LRP1B: variants seen among roughly 807,000 people sequenced by gnomAD.
The protein encoded by LRP1B is LDL receptor related protein 1B.
LRP1B carries 217 observed loss-of-function variants against 556.6 expected under a neutral mutation model. That is an observed-to-expected ratio of 0.39 (90% CI 0.35 to 0.44). LRP1B has a LOEUF of 0.44. Ranked by LOEUF, LRP1B falls within the 20% of genes least tolerant of loss-of-function variation. The pLI, the probability that LRP1B is intolerant of heterozygous loss-of-function variation, is 1.00. For synonymous variants in LRP1B, 2,047 were observed against 1,865.8 expected (o/e 1.10, Z -2.50); for missense variants, 5,053 against 5,620.8 (o/e 0.90, Z 3.23).
intron 37 of LRP1B, among the ~76,000 whole-genome samples, chr2:140,710,085 T>C (rs1443916272): frequency 6.6e-6 from 1 of 152,108 alleles, no homozygotes; most frequent in African/African-American, 2.4e-5. Flanking sequence ...TAAATATTGC[T>C]ACATATGTCA....
chr2:141,508,091 C>CCCAAA (rs1553523422), intron 2 of LRP1B, among the ~76,000 whole-genome samples: 1 of 148,552 alleles, frequency 6.7e-6, no homozygotes, highest in African/African-American at 2.5e-5. Context: ...ATCCCCCCCC[C>CCCAAA]AAAAAAAAAG....
chr2:141,883,371 G>T (rs1699015689), intron 1 of LRP1B, among the ~76,000 whole-genome samples: 1 of 152,100 alleles, frequency 6.6e-6, no homozygotes, highest in South Asian at 2.1e-4. Context: ...GGAGAAAAAA[G>T]ATTTAAAGTA....
chr2:140,734,386 G>A (rs1460981809), intron 35 of LRP1B, among the ~76,000 whole-genome samples: 1 of 152,184 alleles, frequency 6.6e-6, no homozygotes, highest in African/African-American at 2.4e-5. Flanking sequence ...AGAATATGAG[G>A]AGAATGATAG....
At chr2:140,321,536 C>T (rs1014710775) in intron 82 of LRP1B, among the ~76,000 whole-genome samples, 18 of 151,810 alleles carry the variant, frequency 1.2e-4, no homozygotes. Flanking sequence ...AATTTGGTTT[C>T]TAAATTAATT....
chr2:141,351,918 A>G (rs533605318), intron 3 of LRP1B, among the ~76,000 whole-genome samples: 1 of 152,022 alleles, frequency 6.6e-6, no homozygotes, highest in East Asian at 1.9e-4. Flanking sequence ...AGGATCACAG[A>G]TGGAGGGTTG....
chr2:141,055,968 G>T (rs914083362), intron 9 of LRP1B, among the ~76,000 whole-genome samples: 2 of 149,690 alleles, frequency 1.3e-5, no homozygotes, highest in Admixed American at 1.3e-4. Context: ...AAAGAAAGAT[G>T]GATCAAAGTG....
chr2:141,636,684 G>A (rs575659758), intron 2 of LRP1B, among the ~76,000 whole-genome samples: 24 of 151,914 alleles, frequency 1.6e-4, no homozygotes, highest in Middle Eastern at 3.4e-3. Context: ...TCAACTAAAG[G>A]TCCTACAGTA....
chr2:141,032,343 G>A (rs571175511), intron 11 of LRP1B, among the ~76,000 whole-genome samples: 13 of 152,040 alleles, frequency 8.6e-5, no homozygotes, highest in South Asian at 2.1e-4. Flanking sequence ...ATGTGTATAC[G>A]TCTATAGAAT....
intron 51 of LRP1B, among the ~76,000 whole-genome samples, chr2:140,512,473 T>C (rs572560594): frequency 4.6e-5 from 7 of 152,158 alleles, no homozygotes; most frequent in Admixed American, 6.5e-5. Context: ...ACTAGATCCA[T>C]CTTGCACACC....
intron 77 of LRP1B, 77 bp from the exon 78 acceptor site, chr2:140,335,915 G>A: frequency 1.2e-6 from 1 of 862,532 alleles, no homozygotes; most frequent in Non-Finnish European, 2.0e-6. Context: ...TTACATTGAA[G>A]TTATGGGGGA....
At chr2:142,114,460 C>T (rs1259935121) in intron 1 of LRP1B, among the ~76,000 whole-genome samples, 2 of 152,124 alleles carry the variant, frequency 1.3e-5, no homozygotes, top group African/African-American at 4.8e-5. Context: ...AAAGAGATAT[C>T]TGTGCCACTA....
At chr2:141,829,796 A>G (rs889290080) in intron 1 of LRP1B, among the ~76,000 whole-genome samples, 7 of 152,002 alleles carry the variant, frequency 4.6e-5, no homozygotes, top group African/African-American at 1.7e-4. Flanking sequence ...AGTCTTAAAT[A>G]CCTTTTATAA....
intron 2 of LRP1B, among the ~76,000 whole-genome samples, chr2:141,809,573 A>C (rs1696269491): frequency 6.6e-6 from 1 of 152,122 alleles, no homozygotes; most frequent in Non-Finnish European, 1.5e-5. Flanking sequence ...AGCTATGGTC[A>C]TATTATTATT....
chr2:141,242,405 T>G (rs1218484958), intron 5 of LRP1B, among the ~76,000 whole-genome samples: 1 of 152,102 alleles, frequency 6.6e-6, no homozygotes, highest in Non-Finnish European at 1.5e-5. Flanking sequence ...TTTTCAAGAA[T>G]CATAGCAGAG....
At chr2:141,583,020 TAG>T (rs1427028513) in intron 2 of LRP1B, among the ~76,000 whole-genome samples, 1 of 151,710 alleles carries the variant, frequency 6.6e-6, no homozygotes, top group Non-Finnish European at 1.5e-5. Context: ...GTATTTTTAG[TAG>T]AGAGGGGGTT....
chr2:141,380,475 TA>T (rs1689597081), intron 3 of LRP1B, among the ~76,000 whole-genome samples: 1 of 152,190 alleles, frequency 6.6e-6, no homozygotes, highest in Non-Finnish European at 1.5e-5. Context: ...CAACTTCTCC[TA>T]AGATGTTGGA....
At chr2:140,502,125 A>G (rs1481513035) in intron 54 of LRP1B, among the ~76,000 whole-genome samples, 1 of 152,050 alleles carries the variant, frequency 6.6e-6, no homozygotes, top group African/African-American at 2.4e-5. Flanking sequence ...CAAAATAAAC[A>G]TCCATAGTAA....
At chr2:141,993,410 G>A (rs551382894) in intron 1 of LRP1B, among the ~76,000 whole-genome samples, 2 of 121,822 alleles carry the variant, frequency 1.6e-5, no homozygotes, top group African/African-American at 6.3e-5. Context: ...GCTGCTGGGG[G>A]CTCCACTAGG....
At chr2:141,689,971 G>A (rs1691455011) in intron 2 of LRP1B, among the ~76,000 whole-genome samples, 1 of 151,682 alleles carries the variant, frequency 6.6e-6, no homozygotes, top group Admixed American at 6.6e-5. Flanking sequence ...ATCTACTCTT[G>A]TAAATACTTG....
Sources: gnomAD v4.1 joint callset for allele counts (sites outside exome capture counted in the v4.1 genomes callset) on GRCh38, gnomAD v4.1.1 for gene constraint, MANE v1.5 for transcripts, NCBI Gene and HGNC (gene_info 2026-07-23, HGNC 2026-07-21) for gene names.